APBA2: variants seen among roughly 807,000 people sequenced by gnomAD.
The protein encoded by APBA2 is amyloid beta precursor protein binding family A member 2.
In APBA2, 30 loss-of-function variants were observed where a neutral mutation model predicts 75.0. The observed-to-expected ratio is 0.40, with a 90% confidence interval of 0.30 to 0.54. APBA2 has a LOEUF of 0.54. APBA2 is among the 20% of genes least tolerant of loss of function. The pLI is 0.49. For synonymous variants in APBA2, 444 were observed against 409.6 expected (o/e 1.08, Z -1.01); for missense variants, 801 against 1,016.1 (o/e 0.79, Z 2.88).
chr15:29,015,248 C>G (rs2039599866), intron 3 of APBA2, among the ~76,000 whole-genome samples: 1 of 152,212 alleles, frequency 6.6e-6, no homozygotes, highest in South Asian at 2.1e-4. Flanking sequence ...AGCCATCAAG[C>G]TGTCTTTTCC....
chr15:29,092,556 A>G (rs2043628905), intron 6 of APBA2, among the ~76,000 whole-genome samples: 2 of 152,078 alleles, frequency 1.3e-5, no homozygotes, highest in African/African-American at 2.4e-5. Flanking sequence ...AGATGGAACA[A>G]GCATGATGTT....
rs571778418 is a variant in APBA2 at position 29,114,586 on chromosome 15, G to A, written c.2178+570G>A. Reference sequence around the variant, plus strand: ...GTGCGCAGCGGGTGTGCGTGTGTGTGTGTGTGTAGTGTGAGCGAGTGTGGG... The same window carrying A: ...GTGCGCAGCGGGTGTGCGTGTGTGTATGTGTGTAGTGTGAGCGAGTGTGGG... On this transcript the variant is annotated intron_variant, in intron 14 of 14. Transcript: ENST00000683413. 9.9e-5 allele frequency among the ~76,000 whole-genome samples: 15 copies of A among 152,246 alleles called. No individual in the cohort carries two copies. In the South Asian group the frequency reaches 3.1e-3, roughly 32 times the overall value.
chr15:29,086,521 T>C (rs1298410211), intron 6 of APBA2, among the ~76,000 whole-genome samples: 1 of 152,246 alleles, frequency 6.6e-6, no homozygotes, highest in Non-Finnish European at 1.5e-5. Context: ...GTAGTTTCTT[T>C]TTCCTGTGCC....
intron 6 of APBA2, among the ~76,000 whole-genome samples, chr15:29,084,881 T>C (rs2043221842): frequency 6.6e-6 from 1 of 152,250 alleles, no homozygotes; most frequent in African/African-American, 2.4e-5. Context: ...CTCTATTCTC[T>C]GTGTCCTGTA....
Position 29,106,681 on chromosome 15 carries a change from C to A in APBA2, c.1779C>A (p.Pro593=). 6.2e-7 allele frequency: 1 copy of A among 1,613,034 alleles called. No individual in the cohort carries two copies. Among genetic ancestry groups the A allele is most frequent in the African/African-American group, 1.3e-5 (1 of 75,038 alleles). ...VVESGWGSIL[P]TVILANMMNG... ...AGTCGGGCTGGGGCTCCATCCTGCCCACGGTGATCCTGGCCAACATGATGA... is the reference window on the plus strand; with the variant it reads ...AGTCGGGCTGGGGCTCCATCCTGCCAACGGTGATCCTGGCCAACATGATGA... The change falls in exon 12 of 15, where the codon CCC becomes CCA. Residue 593 remains proline, a synonymous_variant. Coordinates refer to ENST00000683413, the MANE Select transcript of APBA2 (RefSeq NM_001353788.2).
rs182727305 is a variant in APBA2 at position 29,061,193 on chromosome 15, C to T, written c.951+6358C>T. ...GGCCTGTGGAACATAAAGGGTTTGGCGAGGGCTGGACGGATTGTTTTGGAG... is the reference window on the plus strand; with the variant it reads ...GGCCTGTGGAACATAAAGGGTTTGGTGAGGGCTGGACGGATTGTTTTGGAG... On this transcript the variant is annotated intron_variant, in intron 4 of 14. Transcript: ENST00000683413. Among the ~76,000 whole-genome samples, 17 of 152,224 alleles carry T rather than the reference C, an allele frequency of 1.1e-4. No individual in the cohort carries two copies. The East Asian group carries it at 3.1e-3, about 28-fold the overall frequency.
intron 3 of APBA2, among the ~76,000 whole-genome samples, chr15:29,007,629 T>C (rs1467111657): frequency 6.6e-6 from 1 of 152,010 alleles, no homozygotes; most frequent in African/African-American, 2.4e-5. Flanking sequence ...AAAAACATGC[T>C]CAGCATCACA....
intron 3 of APBA2, among the ~76,000 whole-genome samples, chr15:29,020,857 A>G (rs990140857): frequency 2.0e-5 from 3 of 152,080 alleles, no homozygotes; most frequent in Non-Finnish European, 2.9e-5. Flanking sequence ...CCCCCAAACA[A>G]ACAAAAAACC....
At chr15:28,901,908 A>ATGTGTGTGTGTGTGTGTG (rs766260051) in intron 1 of APBA2, among the ~76,000 whole-genome samples, 21,116 of 67,240 alleles carry the variant, frequency 0.31, 5,931 homozygotes, top group Non-Finnish European at 0.38. Flanking sequence ...GGAGCTTTTG[A>ATGTGTGTGTGTGTGTGTG]TGTGTGTGTG....
chr15:28,929,354 T>C (rs2034442912), intron 2 of APBA2, among the ~76,000 whole-genome samples: 1 of 152,190 alleles, frequency 6.6e-6, no homozygotes, highest in Admixed American at 6.5e-5. Context: ...TGGCTGCTAA[T>C]CCGTAGGATT....
chr15:29,117,386 T>TGTC lies in APBA2; in HGVS notation c.*254_*256dup, dbSNP rs1472955570. 5.3e-6 allele frequency: 3 copies of TGTC among 564,750 alleles called. No homozygotes were observed. The highest frequency in any genetic ancestry group is 1.9e-5 in the African/African-American group (1 of 52,994). The allele number at this position is 564,750 out of a possible 1,614,324, so 35.0% of individuals were successfully genotyped here. On this transcript the variant is annotated 3_prime_UTR_variant, in exon 15 of 15. Transcript: ENST00000683413. ...CCAAGTATTTTGCCACGTTCTGGAC[T>TGTC]GTCTTCTCCCTGCACAAGCCAGGGT...
intron 3 of APBA2, among the ~76,000 whole-genome samples, chr15:29,042,377 A>C (rs2041091967): frequency 6.6e-6 from 1 of 151,948 alleles, no homozygotes; most frequent in Non-Finnish European, 1.5e-5. Context: ...AGTTTAAGAG[A>C]GTCTCCTGCC....
intron 1 of APBA2, among the ~76,000 whole-genome samples, chr15:28,898,194 G>A (rs2032628767): frequency 6.6e-6 from 1 of 152,200 alleles, no homozygotes. Context: ...CCAGAACTGC[G>A]AGAGAAGAAA....
intron 1 of APBA2, among the ~76,000 whole-genome samples, chr15:28,911,874 T>C (rs1566791941): frequency 6.6e-6 from 1 of 152,202 alleles, no homozygotes; most frequent in Non-Finnish European, 1.5e-5. Flanking sequence ...AGTAAAATAA[T>C]GAGGCTGCAT....
At chr15:28,946,318 GGTGA>G (rs2035547577) in intron 2 of APBA2, among the ~76,000 whole-genome samples, 1 of 152,186 alleles carries the variant, frequency 6.6e-6, no homozygotes, top group Admixed American at 6.5e-5. Flanking sequence ...TTATAATCAT[GGTGA>G]CCCTTATAAG....
At chr15:28,894,441 C>A (rs868433220) in intron 1 of APBA2, among the ~76,000 whole-genome samples, 5 of 152,136 alleles carry the variant, frequency 3.3e-5, no homozygotes, top group Admixed American at 6.5e-5. Context: ...CACAGTCTGG[C>A]AGATGTGAGA....
At chr15:29,106,913 A>T in intron 12 of APBA2, 94 bp downstream of exon 12, 1 of 1,228,672 alleles carries the variant, frequency 8.1e-7, no homozygotes. Context: ...TGCAATCCCC[A>T]CTTCACCCAT....
chr15:28,940,402 G>A, intron 2 of APBA2, among the ~76,000 whole-genome samples: 1 of 148,470 alleles, frequency 6.7e-6, no homozygotes, highest in Non-Finnish European at 1.5e-5. Flanking sequence ...GGGGCGTGGT[G>A]GCAGGCACCT....
chr15:29,012,182 T>C (rs1014285475), intron 3 of APBA2, among the ~76,000 whole-genome samples: 1 of 152,240 alleles, frequency 6.6e-6, no homozygotes, highest in African/African-American at 2.4e-5. Flanking sequence ...TTTTATCAAA[T>C]GTCCTTTTGC....
Sources: gnomAD v4.1 joint callset for allele counts (sites outside exome capture counted in the v4.1 genomes callset) on GRCh38, gnomAD v4.1.1 for gene constraint, MANE v1.5 for transcripts, NCBI Gene and HGNC (gene_info 2026-07-23, HGNC 2026-07-21) for gene names.